Variants in DHDDS observed in about 807,000 individuals in gnomAD.
DHDDS encodes dehydrodolichyl diphosphate synthase subunit, also known as dehydrodolichyl diphosphate synthase complex subunit DHDDS.
Under a neutral mutation model 46.2 loss-of-function variants are expected in DHDDS, and 16 were observed. The ratio of observed to expected loss-of-function variants is 0.35; its 90% CI spans 0.23 to 0.53. The LOEUF (loss-of-function observed/expected upper bound fraction) is 0.53. Ranked by LOEUF, DHDDS falls within the 20% of genes least tolerant of loss-of-function variation. The pLI is 0.94. For missense variants in DHDDS, 340 were observed against 423.7 expected, an observed-to-expected ratio of 0.80 and a Z score of 1.73; for synonymous variants, 151 against 163.1, an observed-to-expected ratio of 0.93 and a Z score of 0.56.
intron 8 of DHDDS, among the ~76,000 whole-genome samples, chr1:26,464,905 G>C (rs1375188245): frequency 6.6e-6 from 1 of 152,310 alleles, no homozygotes; most frequent in African/African-American, 2.4e-5. Flanking sequence ...CGGGTGGATC[G>C]TAAGGGAAGC....
Position 26,445,227 on chromosome 1 carries a change from G to A in DHDDS, c.324-1089G>A, listed in dbSNP as rs565452384. Among the ~76,000 whole-genome samples, 3 of 152,288 alleles carry A rather than the reference G, an allele frequency of 2.0e-5. No homozygotes were observed. In the South Asian group the frequency reaches 6.2e-4, roughly 32 times the overall value. ...ATGTAAAGCACTTAGACCAATATCTGGCATTTAGTAAACATAGAATGTTAG... is the reference window on the plus strand; with the variant it reads ...ATGTAAAGCACTTAGACCAATATCTAGCATTTAGTAAACATAGAATGTTAG... On this transcript the variant is annotated intron_variant, in intron 4 of 8. Transcript: ENST00000236342.
At chr1:26,452,107 A>G (rs187034402) in intron 6 of DHDDS, among the ~76,000 whole-genome samples, 148 of 152,108 alleles carry the variant, frequency 9.7e-4, no homozygotes, top group African/African-American at 3.4e-3. Flanking sequence ...GTGCAGTGGT[A>G]TGAACATGGC....
At chr1:26,445,204 G>T (rs1347063971) in intron 4 of DHDDS, among the ~76,000 whole-genome samples, 3 of 152,194 alleles carry the variant, frequency 2.0e-5, no homozygotes, top group Non-Finnish European at 4.4e-5. Flanking sequence ...GTTGGTACAT[G>T]TAAAGCACTT....
Position 26,470,148 on chromosome 1 carries a change from T to G in DHDDS, c.*1017T>G, listed in dbSNP as rs564978177. The G allele has an allele frequency of 6.6e-6, 1 of 152,388 alleles. No individual in the cohort carries two copies. The highest frequency in any genetic ancestry group is 1.9e-4 in the East Asian group (1 of 5,186). The allele number at this position is 152,388 out of a possible 1,614,324, so 9.4% of individuals were successfully genotyped here. A position where few individuals can be genotyped will look rare whatever the true frequency, so the allele number is the denominator to read the frequency against. ...GCTTGTGAGGGTCAAAGCTGTGTCC[T>G]TTCCCTTACCTCCCTCTGCCAGGAC... On this transcript the variant is annotated 3_prime_UTR_variant, in exon 9 of 9. Transcript: ENST00000236342.
At position 26,433,123 on chromosome 1, in the gene DHDDS, T is replaced by C. The variant is rs930754594; in HGVS notation, c.63+115T>C. ...GCAATTCATGATGTTAAGTGGAATTTAGCAAGGAAACCAAAGAGTCTTAGA... is the reference window on the plus strand; with the variant it reads ...GCAATTCATGATGTTAAGTGGAATTCAGCAAGGAAACCAAAGAGTCTTAGA... On this transcript the variant is annotated intron_variant, in intron 2 of 8. Coordinates refer to ENST00000236342, the MANE Select transcript of DHDDS (RefSeq NM_205861.3). 6 of 1,150,620 alleles carry C rather than the reference T, an allele frequency of 5.2e-6. No individual in the cohort carries two copies. In the African/African-American group the frequency reaches 7.6e-5, roughly 15 times the overall value. 71.3% of individuals were successfully genotyped at this position (1,150,620 alleles called of 1,614,324 possible).
chr1:26,467,372 CG>C, intron 8 of DHDDS: 1 of 471,060 alleles, frequency 2.1e-6, no homozygotes, highest in Admixed American at 2.4e-5. Context: ...TGTTCAAGCC[CG>C]AAGTCCTCAT....
chr1:26,438,386 G>T, intron 3 of DHDDS, 102 bp downstream of exon 3: 2 of 1,043,540 alleles, frequency 1.9e-6, no homozygotes, highest in East Asian at 2.4e-5. Context: ...AGTGTTTTTT[G>T]TATCTGTCTC....
At chr1:26,448,056 C>T in intron 6 of DHDDS, 1 of 424,920 alleles carries the variant, frequency 2.4e-6, no homozygotes, top group Non-Finnish European at 4.2e-6. Context: ...GTTATTATTC[C>T]TTTACAAATT....
chr1:26,432,765 G>C, intron 1 of DHDDS, 126 bp from the exon 2 acceptor site: 1 of 658,564 alleles, frequency 1.5e-6, no homozygotes, highest in Non-Finnish European at 2.7e-6. Context: ...AAAGATTATA[G>C]GCTTAGACCA....
At chr1:26,461,065 T>G (rs1243414870) in intron 8 of DHDDS, among the ~76,000 whole-genome samples, 1 of 152,000 alleles carries the variant, frequency 6.6e-6, no homozygotes, top group Non-Finnish European at 1.5e-5. Flanking sequence ...GTAGAGACAG[T>G]GTTTCACCAT....
intron 7 of DHDDS, among the ~76,000 whole-genome samples, chr1:26,458,905 G>A (rs2075397285): frequency 3.3e-5 from 5 of 152,128 alleles, no homozygotes; most frequent in Admixed American, 3.3e-4. Flanking sequence ...TGACAAACTT[G>A]AGGACTTACT....
In DHDDS at chr1:26,470,231, T is replaced by G. The variant is rs2075539352; in HGVS notation, c.*1100T>G. Reference sequence around the variant, plus strand: ...TTGAAGAGCTGTCTGCCTGAGCAACTCTATTTCAGGTGCCCCACACCGGCA... The same window carrying G: ...TTGAAGAGCTGTCTGCCTGAGCAACGCTATTTCAGGTGCCCCACACCGGCA... On this transcript the variant is annotated 3_prime_UTR_variant, in exon 9 of 9. Coordinates refer to ENST00000236342, the MANE Select transcript of DHDDS (RefSeq NM_205861.3). The G allele has an allele frequency of 6.6e-6, 1 of 152,070 alleles. No individual in the cohort carries two copies. The highest frequency in any genetic ancestry group is 1.5e-5 in the Non-Finnish European group (1 of 68,084). The allele number at this position is 152,070 out of a possible 1,614,324, so 9.4% of individuals were successfully genotyped here. A position where few individuals can be genotyped will look rare whatever the true frequency, so the allele number is the denominator to read the frequency against.
At chr1:26,441,339 C>A (rs977878381) in intron 3 of DHDDS, among the ~76,000 whole-genome samples, 1 of 151,898 alleles carries the variant, frequency 6.6e-6, no homozygotes, top group Admixed American at 6.6e-5. Flanking sequence ...GCTGGGAATA[C>A]AGGTGTGCGC....
At chr1:26,459,932 T>C (rs2124500519) in intron 7 of DHDDS, 105 bp from the exon 8 acceptor site, 1 of 898,018 alleles carries the variant, frequency 1.1e-6, no homozygotes, top group East Asian at 2.4e-5. Context: ...TTGTCATCTC[T>C]GGGCTTCTGG....
intron 8 of DHDDS, among the ~76,000 whole-genome samples, chr1:26,465,710 G>A (rs1451316090): frequency 6.6e-6 from 1 of 152,172 alleles, no homozygotes; most frequent in Non-Finnish European, 1.5e-5. Flanking sequence ...CCCCACATGT[G>A]TGTCTCTTGG....
intron 3 of DHDDS, among the ~76,000 whole-genome samples, chr1:26,442,489 T>C (rs1482541257): frequency 6.6e-6 from 1 of 152,232 alleles, no homozygotes; most frequent in Non-Finnish European, 1.5e-5. Context: ...TTCTTTCTTG[T>C]AGTGCACAAT....
At position 26,470,615 on chromosome 1, in the gene DHDDS, A is replaced by C. The variant is rs907949480; in HGVS notation, c.*1484A>C. ...CCTGGCGGCAAGAGACTTCTTGGCT[A>C]TTGTCCATGCTCCCAGAATCAAGCA... is the stretch of plus-strand genomic sequence containing the variant. On this transcript the variant is annotated 3_prime_UTR_variant, in exon 9 of 9. Coordinates refer to ENST00000236342, the MANE Select transcript of DHDDS (RefSeq NM_205861.3). 2 of 152,556 alleles carry C rather than the reference A, an allele frequency of 1.3e-5. No individual in the cohort carries two copies. Among genetic ancestry groups the C allele is most frequent in the Non-Finnish European group, 2.9e-5 (2 of 68,028 alleles). The allele number at this position is 152,556 out of a possible 1,614,324, so 9.5% of individuals were successfully genotyped here.
Position 26,469,305 on chromosome 1 carries a change from G to C in DHDDS, c.*174G>C. The C allele has an allele frequency of 1.7e-6, 2 of 1,211,744 alleles. No homozygotes were observed. The highest frequency in any genetic ancestry group is 2.3e-6 in the Non-Finnish European group (2 of 858,492). The allele number at this position is 1,211,744 out of a possible 1,614,324, so 75.1% of individuals were successfully genotyped here. ...CCATAGATACCTTTGGGCTGCCTGG[G>C]ACAGGCTCCTGAGGAGGATTGAGGG... On this transcript the variant is annotated 3_prime_UTR_variant, in exon 9 of 9. Coordinates refer to ENST00000236342, the MANE Select transcript of DHDDS (RefSeq NM_205861.3).
In DHDDS at chr1:26,469,050, A is replaced by G. The variant is rs1224681828; in HGVS notation, c.921A>G (p.Glu307=). The G allele has an allele frequency of 1.9e-6, 3 of 1,613,910 alleles. No homozygotes were observed. Among genetic ancestry groups the G allele is most frequent in the Admixed American group, 1.7e-5 (1 of 60,034 alleles). Residue 307 remains glutamate, a synonymous_variant, in exon 9 of 9, where the codon GAA becomes GAG. Coordinates refer to ENST00000236342, the MANE Select transcript of DHDDS (RefSeq NM_205861.3). ...TRLHKLSARR[E]ERVQGFLQAL... is the part of the protein sequence containing the mutation. The stretch of plus-strand genomic sequence containing the variant: ...TGCACAAACTCTCGGCCAGACGGGA[A>G]GAGCGAGTCCAAGGCTTCCTGCAGG...
Sources: gnomAD v4.1 joint callset for allele counts (sites outside exome capture counted in the v4.1 genomes callset) on GRCh38, gnomAD v4.1.1 for gene constraint, MANE v1.5 for transcripts, NCBI Gene and HGNC (gene_info 2026-07-23, HGNC 2026-07-21) for gene names.